SGCD: variants seen among roughly 807,000 people sequenced by gnomAD.
SGCD encodes sarcoglycan delta.
SGCD carries 18 observed loss-of-function variants against 36.6 expected under a neutral mutation model. The observed-to-expected ratio is 0.49, with a 90% CI of 0.34 to 0.73. SGCD has a LOEUF of 0.73. Ranked by LOEUF, SGCD falls within the 30% of genes least tolerant of loss-of-function variation. SGCD has a pLI of 0.01. For synonymous variants in SGCD, 133 were observed against 130.6 expected (o/e 1.02, Z -0.12); for missense variants, 387 against 346.7 (o/e 1.12, Z -0.92).
At chr5:156,380,420 T>A (rs1770918057) in intron 3 of SGCD, among the ~76,000 whole-genome samples, 1 of 152,246 alleles carries the variant, frequency 6.6e-6, no homozygotes, top group Non-Finnish European at 1.5e-5. Flanking sequence ...AGGGGTTGAC[T>A]AGGCAGAATT....
chr5:155,864,243 G>A, the SGCD span, among the ~76,000 whole-genome samples: 1 of 152,228 alleles, frequency 6.6e-6, no homozygotes. Context: ...AGGGAGCGCA[G>A]TAGGCGGTTA....
At chr5:155,971,332 T>C (rs1758002964) in intron 1 of SGCD, among the ~76,000 whole-genome samples, 2 of 152,132 alleles carry the variant, frequency 1.3e-5, no homozygotes, top group African/African-American at 4.8e-5. Flanking sequence ...ATCTGATTCA[T>C]TTGGGATGGT....
At chr5:156,505,178 C>T (rs1162753848) in intron 3 of SGCD, among the ~76,000 whole-genome samples, 2 of 152,136 alleles carry the variant, frequency 1.3e-5, no homozygotes, top group African/African-American at 4.8e-5. Flanking sequence ...GCCGTGTTTC[C>T]CTTTGTTGCA....
intron 3 of SGCD, among the ~76,000 whole-genome samples, chr5:156,293,384 A>G (rs1299542490): frequency 5.9e-5 from 9 of 152,108 alleles, no homozygotes; most frequent in Admixed American, 5.2e-4. Flanking sequence ...ATATCCAAGA[A>G]AGCATTGCCA....
chr5:156,235,570 C>T (rs1162438481), intron 3 of SGCD, among the ~76,000 whole-genome samples: 2 of 152,140 alleles, frequency 1.3e-5, no homozygotes, highest in Non-Finnish European at 2.9e-5. Flanking sequence ...GAGTTGTTCT[C>T]TATTGATTAT....
At chr5:156,656,952 G>T (rs905924488) in intron 7 of SGCD, among the ~76,000 whole-genome samples, 3 of 152,008 alleles carry the variant, frequency 2.0e-5, no homozygotes, top group African/African-American at 7.3e-5. Flanking sequence ...AACTCCTTTG[G>T]GAATGTGTGA....
intron 3 of SGCD, among the ~76,000 whole-genome samples, chr5:156,148,337 G>A (rs983703450): frequency 3.9e-5 from 6 of 152,080 alleles, no homozygotes; most frequent in Non-Finnish European, 8.8e-5. Flanking sequence ...TTCAAAGAGT[G>A]CTTGGAGTGC....
At chr5:156,166,138 T>C (rs1342841398) in intron 3 of SGCD, among the ~76,000 whole-genome samples, 1 of 152,014 alleles carries the variant, frequency 6.6e-6, no homozygotes, top group South Asian at 2.1e-4. Context: ...TAGAATTTAA[T>C]TGGAGTTTTC....
intron 3 of SGCD, among the ~76,000 whole-genome samples, chr5:156,233,751 G>A (rs139100713): frequency 6.6e-6 from 1 of 152,110 alleles, no homozygotes; most frequent in Non-Finnish European, 1.5e-5. Flanking sequence ...CAGGCAGGGT[G>A]GTGCCTGCCT....
chr5:156,179,256 T>C (rs1193761071), intron 3 of SGCD, among the ~76,000 whole-genome samples: 3 of 152,216 alleles, frequency 2.0e-5, no homozygotes, highest in Admixed American at 6.5e-5. Context: ...CTGTGCTGCT[T>C]GGTTTTTAAA....
At chr5:156,445,224 G>A (rs1290074576) in intron 3 of SGCD, among the ~76,000 whole-genome samples, 3 of 152,022 alleles carry the variant, frequency 2.0e-5, no homozygotes, top group African/African-American at 7.3e-5. Flanking sequence ...ATGTCGATGA[G>A]TGTGTGTATA....
chr5:155,923,637 C>A (rs956650379), intron 1 of SGCD, among the ~76,000 whole-genome samples: 1 of 152,154 alleles, frequency 6.6e-6, no homozygotes, highest in Non-Finnish European at 1.5e-5. Context: ...AATGTCATTG[C>A]ATTTTCAATT....
At chr5:156,244,798 A>T (rs1047073562) in intron 3 of SGCD, among the ~76,000 whole-genome samples, 5 of 152,204 alleles carry the variant, frequency 3.3e-5, no homozygotes, top group African/African-American at 1.2e-4. Context: ...TGTATTTTAA[A>T]CTATAACAGA....
intron 1 of SGCD, among the ~76,000 whole-genome samples, chr5:155,959,996 G>GA (rs1225084294): frequency 6.6e-6 from 1 of 152,034 alleles, no homozygotes; most frequent in Admixed American, 6.6e-5. Context: ...GCTAGAGAGA[G>GA]AAAAAATGTT....
chr5:156,114,770 A>T (rs1361691003), intron 1 of SGCD, among the ~76,000 whole-genome samples: 3 of 152,156 alleles, frequency 2.0e-5, no homozygotes, highest in African/African-American at 7.2e-5. Flanking sequence ...TCCTTTAAAA[A>T]TCAAAATGTT....
chr5:156,368,937 A>G (rs1393471327), intron 3 of SGCD, among the ~76,000 whole-genome samples: 2 of 152,222 alleles, frequency 1.3e-5, no homozygotes, highest in East Asian at 3.8e-4. Context: ...AATGTAATGC[A>G]CTTGAATCAT....
chr5:156,178,954 G>A (rs912594017), intron 3 of SGCD, among the ~76,000 whole-genome samples: 7 of 152,124 alleles, frequency 4.6e-5, no homozygotes, highest in Admixed American at 2.0e-4. Flanking sequence ...TAGGTCCAAC[G>A]CATAGTCACT....
intron 1 of SGCD, among the ~76,000 whole-genome samples, chr5:156,002,163 T>A (rs1758677244): frequency 6.6e-6 from 1 of 152,154 alleles, no homozygotes; most frequent in Non-Finnish European, 1.5e-5. Flanking sequence ...TTAGTTAAAA[T>A]GAGGTGCTTA....
intron 7 of SGCD, among the ~76,000 whole-genome samples, chr5:156,680,281 G>A (rs1303519048): frequency 5.3e-5 from 8 of 152,050 alleles, no homozygotes; most frequent in Non-Finnish European, 1.0e-4. Flanking sequence ...CCTGACCCCC[G>A]GGACTGGGTA....
Sources: gnomAD v4.1 joint callset for allele counts (sites outside exome capture counted in the v4.1 genomes callset) on GRCh38, gnomAD v4.1.1 for gene constraint, MANE v1.5 for transcripts, NCBI Gene and HGNC (gene_info 2026-07-23, HGNC 2026-07-21) for gene names.